Variants in EPS8L2 observed in about 807,000 individuals in gnomAD.
The protein encoded by EPS8L2 is epidermal growth factor receptor kinase substrate 8-like protein 2.
In EPS8L2, 81 loss-of-function variants were observed where a neutral mutation model predicts 99.4. The ratio of observed to expected loss-of-function variants is 0.82; its 90% CI spans 0.68 to 0.98. EPS8L2 has a LOEUF of 0.98. Among genes scored for constraint, EPS8L2 ranks in the 50% least tolerant of loss-of-function variants. EPS8L2 has a pLI of 0.00. For synonymous variants in EPS8L2, 509 were observed against 407.3 expected, an observed-to-expected ratio of 1.25 and a Z score of -3.01; for missense variants, 1,155 against 968.8, an observed-to-expected ratio of 1.19 and a Z score of -2.55.
At chr11:707,025 G>A (rs76431003) in intron 1 of EPS8L2, among the ~76,000 whole-genome samples, 33,981 of 151,676 alleles carry the variant, frequency 0.22, 4,059 homozygotes, top group East Asian at 0.35. Flanking sequence ...AGGCAGGGCC[G>A]GGCATGCCCG....
chr11:717,567 C>A (rs1248665944), intron 4 of EPS8L2, among the ~76,000 whole-genome samples: 1 of 152,110 alleles, frequency 6.6e-6, no homozygotes, highest in Non-Finnish European at 1.5e-5. Flanking sequence ...TAGTATTGGG[C>A]AATAGAATAG....
At chr11:719,390 T>C (rs1413201375) in intron 4 of EPS8L2, among the ~76,000 whole-genome samples, 1 of 152,228 alleles carries the variant, frequency 6.6e-6, no homozygotes, top group Non-Finnish European at 1.5e-5. Context: ...AGGGTTTTAC[T>C]TAGTGAACAC....
rs200800069 is a variant in EPS8L2, at chr11:723,315, G to A, written c.1416G>A (p.Gly472=). ...CCACTTCAGAGCCCACCCCCCCGGGGGATGCCCTACCACCAGTCAGCTCCC... is the reference window on the plus strand; with the variant it reads ...CCACTTCAGAGCCCACCCCCCCGGGAGATGCCCTACCACCAGTCAGCTCCC... ...HSPTSEPTPP[G]DALPPVSSPH... is the part of the protein sequence containing the mutation. Residue 472 remains glycine (G), a synonymous_variant, in exon 15 of 21, where the codon GGG becomes GGA. Transcript: ENST00000318562. 1.3e-6 allele frequency: 2 copies of A among 1,598,310 alleles called. No individual in the cohort carries two copies. The highest frequency in any genetic ancestry group is 2.7e-5 in the African/African-American group (2 of 74,132).
intron 4 of EPS8L2, among the ~76,000 whole-genome samples, chr11:714,701 C>T (rs544482030): frequency 6.7e-6 from 1 of 149,722 alleles, no homozygotes; most frequent in South Asian, 2.1e-4. Flanking sequence ...TCTCAATGTA[C>T]TGGACCACAC....
At chr11:714,992 C>T (rs1330853999) in intron 4 of EPS8L2, among the ~76,000 whole-genome samples, 3 of 152,088 alleles carry the variant, frequency 2.0e-5, no homozygotes, top group Non-Finnish European at 2.9e-5. Context: ...CCTGTAATCC[C>T]AGCACTTTGG....
chr11:720,042 G>A lies in EPS8L2; in HGVS notation c.166-20G>A. The A allele has an allele frequency of 6.2e-7, 1 of 1,604,716 alleles. No individual in the cohort carries two copies. Among genetic ancestry groups the A allele is most frequent in the African/African-American group, 1.3e-5 (1 of 74,892 alleles). ...CACAAGGAGGGCTCTGCCCAGCAGT[G>A]ACCACCTGCCCACCCCCAGCACCTG... On this transcript the variant is annotated intron_variant, in intron 4 of 20. Coordinates refer to ENST00000318562, the MANE Select transcript of EPS8L2 (RefSeq NM_022772.4).
chr11:710,262 C>T (rs1467587787), intron 3 of EPS8L2, 160 bp from the exon 4 acceptor site: 2 of 659,274 alleles, frequency 3.0e-6, no homozygotes, highest in African/African-American at 3.6e-5. Flanking sequence ...GGGCTTCCTG[C>T]AGGTCCTGAT....
At chr11:718,660 T>A (rs1045847862) in intron 4 of EPS8L2, among the ~76,000 whole-genome samples, 7 of 150,136 alleles carry the variant, frequency 4.7e-5, no homozygotes, top group African/African-American at 1.7e-4. Context: ...AATTTTTTAA[T>A]TTTTTTAATT....
Position 721,568 on chromosome 11 carries a change from A to G in EPS8L2, c.772A>G (p.Ile258Val), listed in dbSNP as rs1173556170. ...CCCTGACCCCCTCTGACCCCAGCAA[A>G]TCCTCAACTGCGCCCTGGACGACAT... ...LAQKIEKETQ[I>V]LNCALDDIEW... is the part of the protein sequence containing the mutation. The change falls in exon 10 of 21, where the codon ATC becomes GTC. Residue 258 changes from isoleucine (I) to valine (V), a missense_variant. Coordinates refer to ENST00000318562, the MANE Select transcript of EPS8L2 (RefSeq NM_022772.4). 2 of 1,557,562 alleles carry G rather than the reference A, an allele frequency of 1.3e-6. No individual in the cohort carries two copies. The highest frequency in any genetic ancestry group is 2.3e-5 in the East Asian group (1 of 44,234).
chr11:714,181 G>A (rs2133507944), intron 4 of EPS8L2, among the ~76,000 whole-genome samples: 1 of 151,626 alleles, frequency 6.6e-6, no homozygotes, highest in East Asian at 1.9e-4. Context: ...TTTATTTTTT[G>A]TAAATTAGGA....
At chr11:725,366 C>G (rs1232150468) in intron 16 of EPS8L2, among the ~76,000 whole-genome samples, 3 of 152,200 alleles carry the variant, frequency 2.0e-5, no homozygotes, top group African/African-American at 7.2e-5. Context: ...TAAAAATTAT[C>G]TGGATGTGGT....
chr11:720,219 C>A lies in EPS8L2; in HGVS notation c.323C>A (p.Ser108Ter). The A allele has an allele frequency of 6.2e-7, 1 of 1,612,866 alleles. No individual in the cohort carries two copies. The highest frequency in any genetic ancestry group is 1.1e-5 in the South Asian group (1 of 91,042). ...DQSLRLLDIE[S>*]QEELEDFPLP... is the part of the protein sequence containing the mutation. ...TCGCTGCGGCTGCTGGACATCGAGT[C>A]ACAGGTGGGGCCCAGCGCCACGGGG... The change falls in exon 5 of 21, where the codon TCA becomes TAA. Residue 108 changes from serine (S) to a stop codon, truncating the protein, a stop_gained. Transcript: ENST00000318562. LOFTEE classifies it high-confidence loss of function.
chr11:721,002 G>GGCAGGGGAGGGGAGGAGCCCT (rs1862155676), intron 7 of EPS8L2, 62 bp from the exon 8 acceptor site: 1 of 1,448,432 alleles, frequency 6.9e-7, no homozygotes, highest in African/African-American at 1.4e-5. Context: ...GGAGGAGCCC[G>GGCAGGGGAGGGGAGGAGCCCT]GCAGGGAGGG....
At chr11:720,268 G>C in intron 5 of EPS8L2, 45 bp downstream of exon 5, 1 of 1,593,114 alleles carries the variant, frequency 6.3e-7, no homozygotes, top group South Asian at 1.1e-5. Flanking sequence ...GTGGGTAGAG[G>C]CGGTGGCAGC....
intron 4 of EPS8L2, among the ~76,000 whole-genome samples, chr11:718,842 G>C (rs1456580766): frequency 1.7e-4 from 26 of 150,970 alleles, no homozygotes; most frequent in Non-Finnish European, 1.3e-4. Context: ...CTAATTTTTT[G>C]TATTTTTAGT....
chr11:723,632 C>T (rs2133535041), intron 15 of EPS8L2, among the ~76,000 whole-genome samples: 1 of 152,178 alleles, frequency 6.6e-6, no homozygotes, highest in South Asian at 2.1e-4. Context: ...ACTACTAAAC[C>T]ACTGAACTTG....
intron 9 of EPS8L2, 31 bp from the exon 10 acceptor site, chr11:721,534 G>C: frequency 6.5e-7 from 1 of 1,528,970 alleles, no homozygotes; most frequent in Non-Finnish European, 8.8e-7. Flanking sequence ...GGGAGTGTCA[G>C]GGGCTGACCC....
At chr11:717,978 C>T (rs1862065018) in intron 4 of EPS8L2, among the ~76,000 whole-genome samples, 1 of 151,380 alleles carries the variant, frequency 6.6e-6, no homozygotes, top group African/African-American at 2.4e-5. Context: ...CACTGCACTC[C>T]AGCCTGGGCA....
chr11:721,986 T>C lies in EPS8L2; in HGVS notation c.979T>C (p.Leu327=), dbSNP rs768721609. Residue 327 remains leucine, a synonymous_variant, in exon 11 of 21, where the codon TTG becomes CTG. Coordinates refer to ENST00000318562, the MANE Select transcript of EPS8L2 (RefSeq NM_022772.4). ...CFQKIKLAIN[L]LAKLQKHIQN... The stretch of plus-strand genomic sequence containing the variant: ...CCAGAAAATCAAGCTGGCGATTAAC[T>C]TGCTGGTGGGTCCGGTGGCCCCAGC... 2.5e-6 allele frequency: 4 copies of C among 1,606,270 alleles called. No homozygotes were observed. The South Asian group carries it at 3.3e-5, about 13-fold the overall frequency.
Sources: allele counts gnomAD v4.1 joint callset (sites outside exome capture counted in the v4.1 genomes callset), GRCh38; gene constraint gnomAD v4.1.1; transcripts MANE v1.5; gene names NCBI Gene and HGNC (gene_info 2026-07-23, HGNC 2026-07-21).